LINGO3: variants seen among roughly 807,000 people sequenced by gnomAD.
LINGO3 encodes leucine rich repeat and Ig domain containing 3.
For missense variants in LINGO3, 750 were observed against 867.7 expected (o/e 0.86, Z 1.70); for synonymous variants, 427 against 444.2 (o/e 0.96, Z 0.49).
chr19:2,294,861 G>A (rs770850865), upstream of LINGO3, among the ~76,000 whole-genome samples: 48 of 152,246 alleles, frequency 3.2e-4, no homozygotes, highest in Non-Finnish European at 6.0e-4. This position sits in a 1 kb window ranked among gnomAD's most constrained non-coding sequence, Gnocchi z 4.3. Context: ...ACTACCAGGC[G>A]GCATTGCCCA....
chr19:2,290,185 G>T lies in LINGO3; in HGVS notation c.1592C>A (p.Thr531Asn). The T allele has an allele frequency of 6.2e-7, 1 of 1,611,792 alleles. No individual in the cohort carries two copies. Among genetic ancestry groups the T allele is most frequent in the Non-Finnish European group, 8.5e-7 (1 of 1,179,498 alleles). ...CAGGAAGGTGATGCAGCCCATGGCG[G>T]TGGACACCAGGATGGTGGTGAGGTC... The change falls in exon 1 of 1, where the codon ACC becomes AAC. Residue 531 changes from threonine to asparagine, a missense_variant. Thr to Asn is a moderately conservative substitution (Grantham distance 65, BLOSUM62 0). Transcript: ENST00000585527. This position sits in a 1 kb window ranked among gnomAD's most constrained non-coding sequence, Gnocchi z 6.0.
chr19:2,299,759 T>G, the LINGO3 span, among the ~76,000 whole-genome samples: 4 of 138,970 alleles, frequency 2.9e-5, no homozygotes, highest in African/African-American at 1.1e-4. Flanking sequence ...AGTCTTGCTG[T>G]GACGCCCAGG....
chr19:2,294,698 C>G (rs1032853681), upstream of LINGO3, among the ~76,000 whole-genome samples: 2 of 151,804 alleles, frequency 1.3e-5, no homozygotes, highest in Admixed American at 6.6e-5. The surrounding 1 kb of genome is among the most constrained non-coding windows in gnomAD (Gnocchi z 4.3). Context: ...GCCAATGCTC[C>G]GTGGGTCCTG....
exon 1 of LINGO3, chr19:2,291,378 C>G (rs2025519059): frequency 6.2e-7 from 1 of 1,613,358 alleles, no homozygotes; most frequent in South Asian, 1.1e-5. Flanking sequence ...TGTTCTCGCT[C>G]AGGTCCAGCA....
At chr19:2,291,494 G>C (rs2025521394) in exon 1 of LINGO3, 12 of 1,611,760 alleles carry the variant, frequency 7.4e-6, no homozygotes, top group Non-Finnish European at 7.6e-6. Context: ...AAGGCGCCGG[G>C]CTCCACGTGC....
chr19:2,289,271 CTGTG>C (rs903304500), downstream of LINGO3, among the ~76,000 whole-genome samples: 19 of 144,914 alleles, frequency 1.3e-4, no homozygotes, highest in African/African-American at 4.8e-4. Flanking sequence ...TGGGTGTGAG[CTGTG>C]TGTGTCCTGG....
upstream of LINGO3, among the ~76,000 whole-genome samples, chr19:2,292,182 CT>C (rs752200794): frequency 1.6e-5 from 2 of 126,170 alleles, no homozygotes; most frequent in Non-Finnish European, 3.1e-5. Flanking sequence ...GGTGAGACCC[CT>C]GTCTCTTAAA....
chr19:2,298,631 C>T, the LINGO3 span, among the ~76,000 whole-genome samples: 1 of 150,452 alleles, frequency 6.6e-6, no homozygotes, highest in African/African-American at 2.5e-5. Context: ...ACCTCTGCCT[C>T]CTGGGTTCAA....
downstream of LINGO3, among the ~76,000 whole-genome samples, chr19:2,288,378 G>T (rs769834805): frequency 1.7e-4 from 26 of 152,206 alleles, no homozygotes; most frequent in Non-Finnish European, 2.8e-4. The surrounding 1 kb of genome is among the most constrained non-coding windows in gnomAD (Gnocchi z 6.5). Flanking sequence ...CTTTGGTCTC[G>T]TTCCCCACCT....
At chr19:2,297,929 G>A in the LINGO3 span, among the ~76,000 whole-genome samples, 13 of 151,728 alleles carry the variant, frequency 8.6e-5, no homozygotes, top group African/African-American at 3.1e-4. Context: ...ACAAGGTCTT[G>A]CTCTGTCGCC....
the LINGO3 span, among the ~76,000 whole-genome samples, chr19:2,307,533 A>T: frequency 3.3e-5 from 5 of 152,026 alleles, no homozygotes; most frequent in African/African-American, 4.8e-5. Flanking sequence ...CCCCCAGAGC[A>T]GGGGGACTCA....
chr19:2,308,040 G>A, the LINGO3 span, among the ~76,000 whole-genome samples: 6 of 151,054 alleles, frequency 4.0e-5, no homozygotes, highest in African/African-American at 1.2e-4. Context: ...AGGTCTGCGG[G>A]CGCGCCCCAC....
chr19:2,289,960 G>A, exon 1 of LINGO3: 1 of 1,455,000 alleles, frequency 6.9e-7, no homozygotes, highest in Non-Finnish European at 9.2e-7. Context: ...CGGCCGGCCC[G>A]CGGGGGAGGG....
At chr19:2,300,516 G>A in the LINGO3 span, among the ~76,000 whole-genome samples, 1 of 151,900 alleles carries the variant, frequency 6.6e-6, no homozygotes, top group Non-Finnish European at 1.5e-5. Context: ...AACACCATCT[G>A]CTCACAGATA....
upstream of LINGO3, among the ~76,000 whole-genome samples, chr19:2,296,680 T>A (rs187659542): frequency 6.6e-6 from 1 of 151,192 alleles, no homozygotes; most frequent in Non-Finnish European, 1.5e-5. Flanking sequence ...GGTTTCACCA[T>A]GTGGGCCAGG....
chr19:2,294,904 C>T (rs1314320315), upstream of LINGO3, among the ~76,000 whole-genome samples: 1 of 152,074 alleles, frequency 6.6e-6, no homozygotes, highest in African/African-American at 2.4e-5. This position sits in a 1 kb window ranked among gnomAD's most constrained non-coding sequence, Gnocchi z 4.3. Flanking sequence ...CCCCGCCAGC[C>T]GGCCGGCTAT....
At chr19:2,296,805 T>C (rs1336346181), upstream of LINGO3, among the ~76,000 whole-genome samples, 1 of 148,092 alleles carries the variant, frequency 6.8e-6, no homozygotes, top group East Asian at 2.2e-4. Flanking sequence ...AAAAGAAGAA[T>C]AGGCCGGGCA....
chr19:2,291,675 C>G (rs2025524932), exon 1 of LINGO3: 11 of 1,351,050 alleles, frequency 8.1e-6, no homozygotes, highest in Non-Finnish European at 1.0e-5. Flanking sequence ...CCGCGCGGGT[C>G]TGCACGGTGC....
chr19:2,300,429 A>G, the LINGO3 span, among the ~76,000 whole-genome samples: 9 of 151,770 alleles, frequency 5.9e-5, no homozygotes, highest in South Asian at 1.7e-3. Context: ...CTCCATCCTC[A>G]TCGGTCCCTC....
Sources: gnomAD v4.1 joint callset for allele counts (sites outside exome capture counted in the v4.1 genomes callset) on GRCh38, gnomAD v4.1.1 for gene constraint, Gnocchi (gnomAD v3.1) non-coding constraint, MANE v1.5 for transcripts, NCBI Gene and HGNC (gene_info 2026-07-23, HGNC 2026-07-21) for gene names.